Variants in DCC observed in about 807,000 individuals in gnomAD.
DCC encodes DCC netrin 1 receptor.
A neutral mutation model predicts 172.5 loss-of-function variants in DCC; 58 were observed. The ratio of observed to expected loss-of-function variants is 0.34; its 90% CI spans 0.27 to 0.42. The LOEUF is 0.42. DCC is among the 10% of genes least tolerant of loss of function. The pLI is 1.00. For missense variants in DCC, 1,740 were observed against 1,791.0 expected, an observed-to-expected ratio of 0.97 and a Z score of 0.51; for synonymous variants, 709 against 644.5, an observed-to-expected ratio of 1.10 and a Z score of -1.52.
intron 1 of DCC, among the ~76,000 whole-genome samples, chr18:52,510,517 T>C (rs2031399318): frequency 6.6e-6 from 1 of 152,190 alleles, no homozygotes; most frequent in Non-Finnish European, 1.5e-5. Flanking sequence ...GATACTTTAA[T>C]GCTCTATTTT....
At chr18:52,419,354 A>G (rs1987166621) in intron 1 of DCC, 1 of 152,158 alleles carries the variant, frequency 6.6e-6, no homozygotes. Context: ...GAAAGCAGCT[A>G]CTGGCAATGC....
At chr18:53,380,621 A>G (rs920911084) in intron 15 of DCC, among the ~76,000 whole-genome samples, 1 of 152,140 alleles carries the variant, frequency 6.6e-6, no homozygotes, top group African/African-American at 2.4e-5. Context: ...GAAAAGCATA[A>G]AAGAAAGCTC....
At chr18:53,500,919 A>G (rs1032018683) in intron 27 of DCC, among the ~76,000 whole-genome samples, 2 of 152,038 alleles carry the variant, frequency 1.3e-5, no homozygotes, top group East Asian at 3.9e-4. Flanking sequence ...CACATACTAC[A>G]TTATGGGGAG....
chr18:52,530,747 G>A (rs141584075), intron 1 of DCC, among the ~76,000 whole-genome samples: 1 of 152,228 alleles, frequency 6.6e-6, no homozygotes, highest in East Asian at 1.9e-4. Context: ...AACATATTCA[G>A]AACACTGTGC....
At chr18:52,541,875 G>GTATATATATATATATATATATATGTGTA (rs765428849) in intron 1 of DCC, among the ~76,000 whole-genome samples, 2 of 115,202 alleles carry the variant, frequency 1.7e-5, no homozygotes, top group African/African-American at 6.6e-5. Flanking sequence ...GTGTGTGTGT[G>GTATATATATATATATATATATATGTGTA]TATATATATA....
intron 15 of DCC, among the ~76,000 whole-genome samples, chr18:53,356,497 G>A (rs2057879425): frequency 6.6e-6 from 1 of 152,050 alleles, no homozygotes; most frequent in South Asian, 2.1e-4. Context: ...TTTGCTTTTA[G>A]TCTATTAGAT....
intron 12 of DCC, among the ~76,000 whole-genome samples, chr18:53,282,095 C>T (rs944691242): frequency 6.6e-6 from 1 of 152,102 alleles, no homozygotes; most frequent in Non-Finnish European, 1.5e-5. Flanking sequence ...ACGTACTTCA[C>T]ATTGATAAAT....
intron 5 of DCC, among the ~76,000 whole-genome samples, chr18:52,952,069 GATCA>G (rs1398461822): frequency 6.6e-6 from 1 of 152,114 alleles, no homozygotes; most frequent in Non-Finnish European, 1.5e-5. Context: ...CTTTGAAAAA[GATCA>G]ATCTATATAT....
chr18:53,184,652 G>C (rs909296663), intron 9 of DCC, among the ~76,000 whole-genome samples: 1 of 152,096 alleles, frequency 6.6e-6, no homozygotes, highest in Non-Finnish European at 1.5e-5. Context: ...GTAATGCATT[G>C]CATTAGAATG....
chr18:53,126,606 C>G (rs2043561026), intron 7 of DCC, among the ~76,000 whole-genome samples: 1 of 152,088 alleles, frequency 6.6e-6, no homozygotes, highest in Non-Finnish European at 1.5e-5. Context: ...TTATGAATCT[C>G]ATTTGACTGT....
At chr18:53,270,081 G>C (rs1361480944) in intron 12 of DCC, among the ~76,000 whole-genome samples, 1 of 152,102 alleles carries the variant, frequency 6.6e-6, no homozygotes, top group Non-Finnish European at 1.5e-5. Context: ...TGGAGGGACA[G>C]GTAGTTATGC....
rs1178289949 is a variant in DCC at position 53,531,896 on chromosome 18, A to G, written c.*1243A>G. On this transcript the variant is annotated 3_prime_UTR_variant, in exon 29 of 29. Coordinates refer to ENST00000442544, the MANE Select transcript of DCC (RefSeq NM_005215.4). ...CACTTCCGACATGTAAATCCAGCAG[A>G]TACTTTTCAAAGCAGCATCTTAAAC... 6.6e-6 allele frequency: 1 copy of G among 152,176 alleles called. No individual in the cohort carries two copies. Among genetic ancestry groups the G allele is most frequent in the African/African-American group, 2.4e-5 (1 of 41,444 alleles). The allele number at this position is 152,176 out of a possible 1,614,324, so 9.4% of individuals were successfully genotyped here.
intron 1 of DCC, among the ~76,000 whole-genome samples, chr18:52,682,391 G>C (rs1339192954): frequency 6.6e-6 from 1 of 151,998 alleles, no homozygotes; most frequent in Non-Finnish European, 1.5e-5. Flanking sequence ...ACTTAGAGAA[G>C]GATTTGGAGG....
chr18:53,272,390 T>C (rs2056759163), intron 12 of DCC, among the ~76,000 whole-genome samples: 1 of 152,168 alleles, frequency 6.6e-6, no homozygotes, highest in Admixed American at 6.6e-5. Context: ...ATCATTCTCA[T>C]TAGAGAATGA....
chr18:53,290,932 G>A (rs779021892), intron 12 of DCC, among the ~76,000 whole-genome samples: 26 of 152,264 alleles, frequency 1.7e-4, no homozygotes, highest in African/African-American at 6.0e-4. Flanking sequence ...ACTTTGGGAG[G>A]CTGAGGCTAG....
intron 7 of DCC, among the ~76,000 whole-genome samples, chr18:53,083,612 C>T (rs536698895): frequency 6.6e-6 from 1 of 152,200 alleles, no homozygotes; most frequent in Admixed American, 6.5e-5. Context: ...TTTTAACACT[C>T]TTGGCTATTC....
chr18:52,966,438 C>T (rs1450062558), intron 5 of DCC, among the ~76,000 whole-genome samples: 1 of 152,156 alleles, frequency 6.6e-6, no homozygotes, highest in Non-Finnish European at 1.5e-5. Context: ...CCCTCCACCC[C>T]TAAACCCTAC....
chr18:52,395,342 T>C (rs1598781803), intron 1 of DCC, among the ~76,000 whole-genome samples: 1 of 151,984 alleles, frequency 6.6e-6, no homozygotes, highest in South Asian at 2.1e-4. Flanking sequence ...AAGTAGTGGG[T>C]TGTTTTGGTT....
intron 15 of DCC, among the ~76,000 whole-genome samples, chr18:53,369,589 G>T (rs1319886312): frequency 1.3e-5 from 2 of 151,650 alleles, no homozygotes. Context: ...CTCACCATTG[G>T]GCATTGTGTT....
Sources: gnomAD v4.1 joint callset for allele counts (sites outside exome capture counted in the v4.1 genomes callset) on GRCh38, gnomAD v4.1.1 for gene constraint, MANE v1.5 for transcripts, NCBI Gene and HGNC (gene_info 2026-07-23, HGNC 2026-07-21) for gene names.